The following MYO1G variants were observed in gnomAD, a reference collection of about 807,000 sequenced individuals.
The protein encoded by MYO1G is unconventional myosin-Ig.
MYO1G carries 65 observed loss-of-function variants against 115.3 expected under a neutral mutation model. That is an observed-to-expected ratio of 0.56 (90% CI 0.46 to 0.69). The LOEUF is 0.69. Ranked by LOEUF, MYO1G falls within the 30% of genes least tolerant of loss-of-function variation. The probability of loss-of-function intolerance (pLI) is 0.00; values close to 1 mark genes in which losing one functional copy is unlikely to be tolerated. For missense variants in MYO1G, 1,204 were observed against 1,393.5 expected (o/e 0.86, Z 2.16); for synonymous variants, 510 against 552.6 (o/e 0.92, Z 1.08).
chr7:44,964,017 G>A lies in MYO1G; in HGVS notation c.2745+32C>T. 3 of 1,516,658 alleles carry A rather than the reference G, an allele frequency of 2.0e-6. No homozygotes were observed. The highest frequency in any genetic ancestry group is 1.4e-5 in the African/African-American group (1 of 72,612). 94.0% of individuals were successfully genotyped at this position (1,516,658 alleles called of 1,614,324 possible). ...CAGCCCAGCAGTGCCCCTCACAGAT[G>A]CTGCACCCTACTCCCCACCCACATT... is the stretch of plus-strand genomic sequence containing the variant. On this transcript the variant is annotated intron_variant, in intron 20 of 21. Coordinates refer to ENST00000258787, the MANE Select transcript of MYO1G (RefSeq NM_033054.3). This position sits in a 1 kb window ranked among gnomAD's most constrained non-coding sequence, Gnocchi z 5.1.
Position 44,966,634 on chromosome 7 carries a change from C to T in MYO1G, c.1949+38G>A, listed in dbSNP as rs1211657499. The T allele has an allele frequency of 1.2e-6, 2 of 1,611,960 alleles. No individual in the cohort carries two copies. Among genetic ancestry groups the T allele is most frequent in the Non-Finnish European group, 8.5e-7 (1 of 1,179,478 alleles). The stretch of plus-strand genomic sequence containing the variant: ...CTACCCCTTGGACTCCACACAGGGA[C>T]TATGGCCCATGGAGTGATGGGTGTC... On this transcript the variant is annotated intron_variant, in intron 15 of 21. Coordinates refer to ENST00000258787, the MANE Select transcript of MYO1G (RefSeq NM_033054.3). This position sits in a 1 kb window ranked among gnomAD's most constrained non-coding sequence, Gnocchi z 5.0.
chr7:44,966,465 A>T lies in MYO1G; in HGVS notation c.1950-185T>A. The T allele has an allele frequency of 1.2e-6, 1 of 814,986 alleles. No individual in the cohort carries two copies. Among genetic ancestry groups the T allele is most frequent in the Non-Finnish European group, 2.1e-6 (1 of 487,470 alleles). 50.5% of individuals were successfully genotyped at this position (814,986 alleles called of 1,614,324 possible). ...ACATACATGTCCTCACACAGCCCTC[A>T]TACCCATGTTCCCACCTGTATGTCC... On this transcript the variant is annotated intron_variant, in intron 15 of 21. Transcript: ENST00000258787. The surrounding 1 kb of genome is among the most constrained non-coding windows in gnomAD (Gnocchi z 5.0).
rs186797159 is a variant in MYO1G at position 44,969,612 on chromosome 7, C to T, written c.1503+93G>A. 1.3e-5 allele frequency: 21 copies of T among 1,582,660 alleles called. No individual in the cohort carries two copies. In the Admixed American group the frequency reaches 2.2e-4, roughly 16 times the overall value. The stretch of plus-strand genomic sequence containing the variant: ...GACGACAATGGCACCAAAGCTGGGT[C>T]CCCAACCAGGCCCCACGAGGCATGG... On this transcript the variant is annotated intron_variant, in intron 11 of 21. Coordinates refer to ENST00000258787, the MANE Select transcript of MYO1G (RefSeq NM_033054.3). The surrounding 1 kb of genome is among the most constrained non-coding windows in gnomAD (Gnocchi z 5.0).
At position 44,964,340 on chromosome 7, in the gene MYO1G, G is replaced by A. The variant is rs1794800812; in HGVS notation, c.2631+75C>T. 6.8e-7 allele frequency: 1 copy of A among 1,469,208 alleles called. No individual in the cohort carries two copies. Among genetic ancestry groups the A allele is most frequent in the East Asian group, 2.3e-5 (1 of 43,886 alleles). 91.0% of individuals were successfully genotyped at this position (1,469,208 alleles called of 1,614,324 possible). A position where few individuals can be genotyped will look rare whatever the true frequency, so the allele number is the denominator to read the frequency against. On this transcript the variant is annotated intron_variant, in intron 19 of 21. Transcript: ENST00000258787. This position sits in a 1 kb window ranked among gnomAD's most constrained non-coding sequence, Gnocchi z 5.1. ...CTCCCAAGTGCCCCCCCAAAACTCTGCACCAGCTTCTAACCTTGCAGACGT... is the reference window on the plus strand; with the variant it reads ...CTCCCAAGTGCCCCCCCAAAACTCTACACCAGCTTCTAACCTTGCAGACGT...
At chr7:44,975,282 A>G (rs566456905) in intron 4 of MYO1G, 55 bp from the exon 5 acceptor site, 1 of 1,599,426 alleles carries the variant, frequency 6.3e-7, no homozygotes, top group Non-Finnish European at 8.6e-7. Flanking sequence ...GACCCTGGGG[A>G]CCCCATCTGA....
At position 44,967,703 on chromosome 7, in the gene MYO1G, C is replaced by T. The variant is rs777006572; in HGVS notation, c.1684G>A (p.Gly562Arg). The change falls in exon 14 of 22, where the codon GGG becomes AGG. Residue 562 changes from glycine to arginine, a missense_variant. Gly to Arg is a moderately radical substitution (Grantham distance 125, BLOSUM62 -2). Transcript: ENST00000258787. ...GTCACCTCTGTGATGTCCTGCTGCCCGTCCGGCCACATGGCCCGTAGAGTG... is the reference window on the plus strand; with the variant it reads ...GTCACCTCTGTGATGTCCTGCTGCCTGTCCGGCCACATGGCCCGTAGAGTG... The part of the protein sequence containing the change: ...DPTLRAMWPD[G>R]QQDITEVTKR... 15 of 1,613,582 alleles carry T rather than the reference C, an allele frequency of 9.3e-6. No homozygotes were observed. The highest frequency in any genetic ancestry group is 1.3e-5 in the African/African-American group (1 of 74,938).
chr7:44,976,803 C>G (rs2128703140), intron 2 of MYO1G, 60 bp downstream of exon 2: 2 of 1,595,272 alleles, frequency 1.3e-6, no homozygotes, highest in East Asian at 4.5e-5. Context: ...TCTAATGGCC[C>G]TCCCAAATGT....
In MYO1G at chr7:44,977,023, G is replaced by A. The variant is rs370583936; in HGVS notation, c.144C>T (p.Ser48=). The A allele has an allele frequency of 5.0e-6, 8 of 1,613,536 alleles. No individual in the cohort carries two copies. Among genetic ancestry groups the A allele is most frequent in the African/African-American group, 1.3e-5 (1 of 75,052 alleles). The change falls in exon 2 of 22, where the codon TCC becomes TCT. Residue 48 remains serine, a synonymous_variant. Transcript: ENST00000258787. ...GGGGCAGCTCCTGGTAGGGGTTCAC[G>A]GACACCAGCACCTCACCGATGTAGG... ...IYTYIGEVLV[S]VNPYQELPLY...
chr7:44,970,772 C>G (rs62461372), intron 8 of MYO1G, 35 bp from the exon 9 acceptor site: 319,757 of 1,613,256 alleles, frequency 0.2, 34,857 homozygotes, highest in Non-Finnish European at 0.22. Flanking sequence ...CCTGCTGCCT[C>G]TGGCCTGGCC....
intron 17 of MYO1G, 52 bp downstream of exon 17, chr7:44,965,585 G>T: frequency 6.5e-7 from 1 of 1,535,806 alleles, no homozygotes; most frequent in Non-Finnish European, 9.0e-7. Context: ...ATGGGTTAAG[G>T]TATTCAGTGG....
rs1304075581 is a variant in MYO1G, at chr7:44,962,704, A to C, written c.*35T>G. 6.9e-7 allele frequency: 1 copy of C among 1,452,648 alleles called. No individual in the cohort carries two copies. The highest frequency in any genetic ancestry group is 1.5e-5 in the African/African-American group (1 of 67,162). 90.0% of individuals were successfully genotyped at this position (1,452,648 alleles called of 1,614,324 possible). On this transcript the variant is annotated 3_prime_UTR_variant, in exon 22 of 22. Transcript: ENST00000258787. The surrounding 1 kb of genome is among the most constrained non-coding windows in gnomAD (Gnocchi z 5.3). The stretch of plus-strand genomic sequence containing the variant: ...TATTTGCAGCGCTGGCGGGGCGGAC[A>C]ATTGGCGGCCTCGGGGTGCGGCGGG...
chr7:44,977,104 C>T (rs773650588), intron 1 of MYO1G, 33 bp from the exon 2 acceptor site: 11 of 1,598,448 alleles, frequency 6.9e-6, no homozygotes, highest in African/African-American at 1.3e-5. Flanking sequence ...TCAGCACTCA[C>T]AGGCTTACAG....
At position 44,966,580 on chromosome 7, in the gene MYO1G, G is replaced by T; in HGVS notation, c.1949+92C>A. 1 of 1,489,456 alleles carries T rather than the reference G, an allele frequency of 6.7e-7. No individual in the cohort carries two copies. Among genetic ancestry groups the T allele is most frequent in the Non-Finnish European group, 9.3e-7 (1 of 1,072,952 alleles). 92.3% of individuals were successfully genotyped at this position (1,489,456 alleles called of 1,614,324 possible). On this transcript the variant is annotated intron_variant, in intron 15 of 21. Transcript: ENST00000258787. This position sits in a 1 kb window ranked among gnomAD's most constrained non-coding sequence, Gnocchi z 5.0. ...CTGGTTCCTGCTTGTATCGATGTTTGCGACGTGCTGTTTGGGGACCCTCTG... is the reference window on the plus strand; with the variant it reads ...CTGGTTCCTGCTTGTATCGATGTTTTCGACGTGCTGTTTGGGGACCCTCTG...
rs141019616 is a variant in MYO1G, at chr7:44,971,044, C to T, written c.862G>A (p.Val288Met). ...AILHLGNIEF[V>M]ETEEGGLQKE... Reference sequence around the variant, plus strand: ...TGCAGCCCACCCTCCTCCGTCTCCACAAACTCGATGTTTCCCTGGTGATGG... The same window carrying T: ...TGCAGCCCACCCTCCTCCGTCTCCATAAACTCGATGTTTCCCTGGTGATGG... The change falls in exon 8 of 22, where the codon GTG becomes ATG. Residue 288 changes from valine to methionine, a missense_variant. Val to Met is a conservative substitution (Grantham distance 21). Transcript: ENST00000258787. The T allele has an allele frequency of 6.2e-7, 1 of 1,611,172 alleles. No homozygotes were observed. The highest frequency in any genetic ancestry group is 1.3e-5 in the African/African-American group (1 of 74,908).
intron 1 of MYO1G, 76 bp from the exon 2 acceptor site, chr7:44,977,147 A>C: frequency 5.6e-6 from 8 of 1,433,662 alleles, no homozygotes; most frequent in Non-Finnish European, 7.6e-6. Context: ...AGCCCATATC[A>C]GGGCCTGGCC....
chr7:44,965,125 A>G lies in MYO1G; in HGVS notation c.2382-36T>C, dbSNP rs200337816. 92 of 1,579,360 alleles carry G rather than the reference A, an allele frequency of 5.8e-5. No homozygotes were observed. The East Asian group carries it at 2.0e-3, about 34-fold the overall frequency. ...GCATGTAGTCAGACAGATGCTGGCC[A>G]TGTGTTCATGTGCTCCCTGAGCCCC... is the stretch of plus-strand genomic sequence containing the variant. On this transcript the variant is annotated intron_variant, in intron 17 of 21. Transcript: ENST00000258787.
chr7:44,969,133 A>C lies in MYO1G; in HGVS notation c.1574+280T>G. On this transcript the variant is annotated intron_variant, in intron 12 of 21. Coordinates refer to ENST00000258787, the MANE Select transcript of MYO1G (RefSeq NM_033054.3). The surrounding 1 kb of genome is among the most constrained non-coding windows in gnomAD (Gnocchi z 5.0). ...ACCAGCCTGAAGCCCCCCACCCCAC[A>C]GATGCTGGTATAGGGTTGGGCCCAG... 4 of 284,002 alleles carry C rather than the reference A, an allele frequency of 1.4e-5. No homozygotes were observed. The highest frequency in any genetic ancestry group is 4.4e-5 in the Admixed American group (1 of 22,640). The allele number at this position is 284,002 out of a possible 1,614,324, so 17.6% of individuals were successfully genotyped here.
At chr7:44,965,116 AT>A in intron 17 of MYO1G, 27 bp from the exon 18 acceptor site, 1 of 1,588,440 alleles carries the variant, frequency 6.3e-7, no homozygotes, top group South Asian at 1.1e-5. Flanking sequence ...AGTCAGACAG[AT>A]GCTGGCCATG....
Position 44,969,650 on chromosome 7 carries a change from C to A in MYO1G, c.1503+55G>T. On this transcript the variant is annotated intron_variant, in intron 11 of 21. Coordinates refer to ENST00000258787, the MANE Select transcript of MYO1G (RefSeq NM_033054.3). The surrounding 1 kb of genome is among the most constrained non-coding windows in gnomAD (Gnocchi z 5.0). ...CCACGAGGCATGGGCAGCATGGTGC[C>A]TGTGGGGCAGGTCCCACCAGCCCAC... 6.2e-7 allele frequency: 1 copy of A among 1,600,262 alleles called. No homozygotes were observed. Among genetic ancestry groups the A allele is most frequent in the Non-Finnish European group, 8.5e-7 (1 of 1,172,762 alleles).
Sources: allele counts gnomAD v4.1 joint callset, GRCh38; gene constraint gnomAD v4.1.1; non-coding constraint Gnocchi (gnomAD v3.1); transcripts MANE v1.5; gene names NCBI Gene and HGNC (gene_info 2026-07-23, HGNC 2026-07-21).